CADM2: variants seen among roughly 807,000 people sequenced by gnomAD.
CADM2 encodes cell adhesion molecule 2, also known as immunoglobulin superfamily member 4D.
A neutral mutation model predicts 49.8 loss-of-function variants in CADM2; 12 were observed. The ratio of observed to expected loss-of-function variants is 0.24; its 90% CI spans 0.15 to 0.39. The LOEUF (loss-of-function observed/expected upper bound fraction) is 0.39, where lower values mean the gene tolerates loss of function less well. CADM2 is among the 10% of genes least tolerant of loss of function. CADM2 has a pLI of 1.00. For missense variants in CADM2, 378 were observed against 492.3 expected (o/e 0.77, Z 2.20); for synonymous variants, 214 against 175.4 (o/e 1.22, Z -1.74).
intron 1 of CADM2, among the ~76,000 whole-genome samples, chr3:85,380,319 C>A (rs2033830583): frequency 6.6e-6 from 1 of 151,716 alleles, no homozygotes; most frequent in Non-Finnish European, 1.5e-5. Context: ...TTTATATACA[C>A]AATATATAAA....
chr3:85,064,202 G>T (rs755204708), intron 1 of CADM2, among the ~76,000 whole-genome samples: 1 of 152,068 alleles, frequency 6.6e-6, no homozygotes, highest in Non-Finnish European at 1.5e-5. Context: ...AGATGGAGAG[G>T]ACTAATATTG....
intron 8 of CADM2, among the ~76,000 whole-genome samples, chr3:86,065,131 G>T (rs1430178723): frequency 1.3e-5 from 2 of 152,080 alleles, no homozygotes; most frequent in Non-Finnish European, 2.9e-5. Context: ...TCTCCATCTA[G>T]ACACCAATGG....
At chr3:85,263,937 A>G (rs978876156) in intron 1 of CADM2, among the ~76,000 whole-genome samples, 1 of 152,196 alleles carries the variant, frequency 6.6e-6, no homozygotes, top group African/African-American at 2.4e-5. Flanking sequence ...TTTTATTAGT[A>G]TGTCTTATTT....
chr3:85,153,558 C>T (rs1378797136), intron 1 of CADM2, among the ~76,000 whole-genome samples: 5 of 152,178 alleles, frequency 3.3e-5, no homozygotes, highest in African/African-American at 1.2e-4. Flanking sequence ...ACAAAGCAGC[C>T]AGGAAGCTCC....
chr3:85,549,499 G>A (rs1370873010), intron 1 of CADM2, among the ~76,000 whole-genome samples: 1 of 152,166 alleles, frequency 6.6e-6, no homozygotes, highest in East Asian at 1.9e-4. Context: ...AGACTTTAGA[G>A]TAAGTGAATG....
intron 1 of CADM2, among the ~76,000 whole-genome samples, chr3:85,517,917 C>T (rs1018141863): frequency 6.6e-6 from 1 of 152,086 alleles, no homozygotes; most frequent in Non-Finnish European, 1.5e-5. Flanking sequence ...ATATAGTGCT[C>T]ATTTTTGTTC....
intron 1 of CADM2, among the ~76,000 whole-genome samples, chr3:85,020,437 C>T (rs182836905): frequency 6.6e-6 from 1 of 152,142 alleles, no homozygotes; most frequent in Admixed American, 6.5e-5. Context: ...GTATAATGAA[C>T]ATATCAATCA....
chr3:86,065,976 G>GA (rs1031122850), intron 9 of CADM2, among the ~76,000 whole-genome samples: 30 of 152,054 alleles, frequency 2.0e-4, no homozygotes, highest in African/African-American at 7.0e-4. Context: ...CAGAAAAATA[G>GA]AAAAAATATG....
intron 1 of CADM2, among the ~76,000 whole-genome samples, chr3:85,033,993 T>C (rs1333573177): frequency 2.0e-5 from 3 of 152,188 alleles, no homozygotes; most frequent in African/African-American, 7.2e-5. Flanking sequence ...TTTTTGTGAG[T>C]ACATATTAGG....
chr3:86,016,278 A>T (rs1732218947), intron 8 of CADM2, among the ~76,000 whole-genome samples: 1 of 152,122 alleles, frequency 6.6e-6, no homozygotes, highest in South Asian at 2.1e-4. Context: ...GAATGTATGC[A>T]AACATCTACC....
intron 1 of CADM2, among the ~76,000 whole-genome samples, chr3:85,172,131 C>CA (rs972665332): frequency 1.3e-5 from 2 of 151,964 alleles, no homozygotes; most frequent in East Asian, 3.9e-4. Context: ...TGCCTACTGT[C>CA]AAAAAAAATT....
chr3:85,402,628 G>A (rs1392099486), intron 1 of CADM2, among the ~76,000 whole-genome samples: 1 of 152,130 alleles, frequency 6.6e-6, no homozygotes, highest in Non-Finnish European at 1.5e-5. Context: ...CAGTGAGAAA[G>A]AATGTCAGAA....
intron 1 of CADM2, among the ~76,000 whole-genome samples, chr3:85,074,098 C>A (rs930512548): frequency 2.6e-5 from 4 of 152,126 alleles, no homozygotes; most frequent in Non-Finnish European, 4.4e-5. Flanking sequence ...CACAGTGCAG[C>A]TGTATTTACC....
At chr3:85,608,104 A>G (rs966394071) in intron 1 of CADM2, among the ~76,000 whole-genome samples, 1 of 152,144 alleles carries the variant, frequency 6.6e-6, no homozygotes, top group African/African-American at 2.4e-5. Flanking sequence ...TAATTTGTCA[A>G]TATTCTATTT....
At chr3:85,636,412 T>G (rs1043070605) in intron 1 of CADM2, among the ~76,000 whole-genome samples, 1 of 152,166 alleles carries the variant, frequency 6.6e-6, no homozygotes, top group Non-Finnish European at 1.5e-5. Flanking sequence ...GAAAATAGTT[T>G]GTACAGTTTA....
chr3:85,581,421 CA>C (rs1183639144), intron 1 of CADM2, among the ~76,000 whole-genome samples: 1 of 135,572 alleles, frequency 7.4e-6, no homozygotes, highest in Non-Finnish European at 1.6e-5. Context: ...CTGAAAAAGT[CA>C]AGGTTGTTTC....
At chr3:85,381,590 AT>A (rs60898880) in intron 1 of CADM2, among the ~76,000 whole-genome samples, 114,013 of 147,884 alleles carry the variant, frequency 0.77, 46,038 homozygotes, top group East Asian at 0.95. Context: ...GCCATTCCTT[AT>A]TTTTTTTTTT....
chr3:85,585,902 C>T (rs1414178897), intron 1 of CADM2, among the ~76,000 whole-genome samples: 1 of 152,034 alleles, frequency 6.6e-6, no homozygotes. Context: ...TAAGATAATA[C>T]AGGTGTGACA....
chr3:85,461,254 C>G (rs2038231858), intron 1 of CADM2, among the ~76,000 whole-genome samples: 1 of 151,988 alleles, frequency 6.6e-6, no homozygotes, highest in Non-Finnish European at 1.5e-5. Flanking sequence ...ATCTCAACAC[C>G]ATGTAATATT....
Sources: gnomAD v4.1 joint callset for allele counts (sites outside exome capture counted in the v4.1 genomes callset) on GRCh38, gnomAD v4.1.1 for gene constraint, MANE v1.5 for transcripts, NCBI Gene and HGNC (gene_info 2026-07-23, HGNC 2026-07-21) for gene names.